Variants in PCDHA1 observed in about 807,000 individuals in gnomAD.
The protein encoded by PCDHA1 is protocadherin alpha 1.
PCDHA1 carries 42 observed loss-of-function variants against 61.3 expected under a neutral mutation model. That is an observed-to-expected ratio of 0.69 (90% confidence interval 0.54 to 0.89). The LOEUF is 0.89. PCDHA1 is among the 40% of genes least tolerant of loss of function. The pLI, the probability that PCDHA1 is intolerant of heterozygous loss-of-function variation, is 0.00. For synonymous variants in PCDHA1, 610 were observed against 553.8 expected (o/e 1.10, Z -1.43); for missense variants, 1,256 against 1,235.3 (o/e 1.02, Z -0.25).
chr5:140,821,780 T>C (rs2150110627), intron 1 of PCDHA1: 2 of 1,609,478 alleles, frequency 1.2e-6, no homozygotes, highest in Admixed American at 1.7e-5. Flanking sequence ...ATTGAGATGG[T>C]ATATTCCCGG....
At chr5:140,796,539 C>G (rs1183970604) in intron 1 of PCDHA1, 3 of 1,612,776 alleles carry the variant, frequency 1.9e-6, no homozygotes, top group African/African-American at 1.3e-5. Context: ...CGCTGGACCA[C>G]GAGGAAGTGG....
chr5:140,856,715 G>T (rs1233191211), intron 1 of PCDHA1: 1 of 1,596,328 alleles, frequency 6.3e-7, no homozygotes, highest in African/African-American at 1.3e-5. Flanking sequence ...TGAATTTACC[G>T]GATCTGTTTC....
chr5:140,822,098 T>A (rs2150113663), intron 1 of PCDHA1: 1 of 1,614,214 alleles, frequency 6.2e-7, no homozygotes, highest in East Asian at 2.2e-5. Context: ...CTGGAGGTGA[T>A]CGTGGACAGG....
At chr5:140,943,112 G>A (rs1250060246) in intron 1 of PCDHA1, among the ~76,000 whole-genome samples, 1 of 151,850 alleles carries the variant, frequency 6.6e-6, no homozygotes, top group African/African-American at 2.4e-5. Flanking sequence ...ACAAAAATTA[G>A]CCAGGTGTGG....
intron 3 of PCDHA1, among the ~76,000 whole-genome samples, chr5:140,993,305 G>C (rs1405035028): frequency 6.6e-6 from 1 of 151,998 alleles, no homozygotes; most frequent in African/African-American, 2.4e-5. Flanking sequence ...CTTGCCTCCA[G>C]GATAATACCT....
chr5:140,899,253 A>T (rs1340284203), intron 1 of PCDHA1, among the ~76,000 whole-genome samples: 1 of 152,284 alleles, frequency 6.6e-6, no homozygotes, highest in East Asian at 1.9e-4. Context: ...GAGAGAGGGC[A>T]TCCCTGTCTT....
intron 1 of PCDHA1, chr5:140,848,507 A>G: frequency 1.3e-6 from 2 of 1,588,934 alleles, no homozygotes. Flanking sequence ...TGTTATACTC[A>G]AGTCGAGGAG....
chr5:140,831,736 C>A (rs1771682555), intron 1 of PCDHA1, among the ~76,000 whole-genome samples: 1 of 152,014 alleles, frequency 6.6e-6, no homozygotes. Flanking sequence ...TCCTCCCTTG[C>A]CTAAATTTCA....
chr5:140,787,156 T>C lies in PCDHA1; in HGVS notation c.866T>C (p.Ile289Thr). The change falls in exon 1 of 4, where the codon ATT becomes ACT. Residue 289 changes from isoleucine (I) to threonine (T), a missense_variant. By Grantham distance (89) the Ile-to-Thr change is moderately conservative (BLOSUM62 -1). Coordinates refer to ENST00000504120, the MANE Select transcript of PCDHA1 (RefSeq NM_018900.4). ...FSFDSGISRDIQEKFKVDSSS... is the reference protein window; with the variant it reads ...FSFDSGISRDTQEKFKVDSSS... ...TTTGACAGTGGTATTTCTCGTGACA[T>C]TCAAGAAAAATTCAAAGTTGATTCC... 6.2e-7 allele frequency: 1 copy of C among 1,613,828 alleles called. No individual in the cohort carries two copies. Among genetic ancestry groups the C allele is most frequent in the Non-Finnish European group, 8.5e-7 (1 of 1,179,924 alleles).
At chr5:140,817,203 A>C (rs1267159890) in intron 1 of PCDHA1, 1 of 152,316 alleles carries the variant, frequency 6.6e-6, no homozygotes, top group Non-Finnish European at 1.5e-5. Context: ...CACTGAATGC[A>C]TGCTTTACTT....
Position 140,827,381 on chromosome 5 carries a change from C to T in PCDHA1, c.2394+38697C>T, listed in dbSNP as rs2150147309. Reference sequence around the variant, plus strand: ...TTTTAAGCAAGAATCCTAATATAAGCTGCAGATAAATTAAATGTGATAAAG... The same window carrying T: ...TTTTAAGCAAGAATCCTAATATAAGTTGCAGATAAATTAAATGTGATAAAG... On this transcript the variant is annotated intron_variant, in intron 1 of 3. Transcript: ENST00000504120. Among the ~76,000 whole-genome samples, 177 of 152,258 alleles carry T rather than the reference C, an allele frequency of 1.2e-3. 1 individual carries two copies. The highest frequency in any genetic ancestry group is 1.7e-3 in the Non-Finnish European group (116 of 67,994).
chr5:140,845,305 G>A lies in PCDHA1; in HGVS notation c.2394+56621G>A, dbSNP rs2150378227. Among the ~76,000 whole-genome samples the A allele has an allele frequency of 3.4e-4, 51 of 149,092 alleles. 5 individuals carry two copies. The highest frequency in any genetic ancestry group is 6.7e-4 in the Non-Finnish European group (45 of 66,692). On this transcript the variant is annotated intron_variant, in intron 1 of 3. Transcript: ENST00000504120. ...TTCCTATCCTGTCTATGTCTACCTG[G>A]TTCTCAGGTATTACTTTAATTACTG...
chr5:140,869,091 A>C, intron 1 of PCDHA1: 1 of 1,591,040 alleles, frequency 6.3e-7, no homozygotes, highest in Non-Finnish European at 8.6e-7. Context: ...TTTGGAAGCC[A>C]ATTTCGTATG....
intron 1 of PCDHA1, chr5:140,849,381 GA>G: frequency 6.6e-7 from 1 of 1,514,878 alleles, no homozygotes; most frequent in African/African-American, 1.5e-5. Flanking sequence ...GTTCCACATG[GA>G]CCCCTTAAGT....
At chr5:140,891,371 T>G (rs1483919316) in intron 1 of PCDHA1, among the ~76,000 whole-genome samples, 1 of 152,146 alleles carries the variant, frequency 6.6e-6, no homozygotes, top group African/African-American at 2.4e-5. Context: ...CAGTATACAT[T>G]GCACCATATT....
At chr5:140,896,019 C>A (rs2065310725) in intron 1 of PCDHA1, among the ~76,000 whole-genome samples, 1 of 152,144 alleles carries the variant, frequency 6.6e-6, no homozygotes, top group African/African-American at 2.4e-5. Flanking sequence ...CCATGTTGGC[C>A]AGGCTGGTCT....
intron 1 of PCDHA1, among the ~76,000 whole-genome samples, chr5:140,971,183 G>C (rs1471489236): frequency 1.3e-5 from 2 of 152,170 alleles, no homozygotes; most frequent in African/African-American, 4.8e-5. Flanking sequence ...CTGTAAGCCG[G>C]AAGCTCAGAG....
At chr5:140,875,982 T>A (rs782696437) in intron 1 of PCDHA1, 7 of 1,614,008 alleles carry the variant, frequency 4.3e-6, no homozygotes, top group Non-Finnish European at 5.9e-6. Context: ...TTTTGACCTA[T>A]GCGTTAAGTC....
intron 1 of PCDHA1, among the ~76,000 whole-genome samples, chr5:140,817,989 A>G (rs1766253634): frequency 1.3e-5 from 2 of 152,092 alleles, no homozygotes; most frequent in African/African-American, 4.8e-5. Context: ...TACTTTGTAT[A>G]CTTACTCTGT....
Sources: allele counts gnomAD v4.1 joint callset (sites outside exome capture counted in the v4.1 genomes callset), GRCh38; gene constraint gnomAD v4.1.1; transcripts MANE v1.5; gene names NCBI Gene and HGNC (gene_info 2026-07-23, HGNC 2026-07-21).